The following ZUP1 variants were observed in gnomAD, a reference collection of about 807,000 sequenced individuals.
The protein encoded by ZUP1 is zinc finger containing ubiquitin peptidase 1, also known as zinc finger-containing ubiquitin peptidase 1.
Under a neutral mutation model 68.1 loss-of-function variants are expected in ZUP1, and 55 were observed. The ratio of observed to expected loss-of-function variants is 0.81; its 90% CI spans 0.65 to 1.01. The LOEUF (loss-of-function observed/expected upper bound fraction) is 1.01. Among genes scored for constraint, ZUP1 ranks in the 50% least tolerant of loss-of-function variants. The pLI, the probability that ZUP1 is intolerant of heterozygous loss-of-function variation, is 0.00. For missense variants in ZUP1, 684 were observed against 674.9 expected (o/e 1.01, Z -0.15); for synonymous variants, 223 against 221.5 (o/e 1.01, Z -0.06).
At chr6:116,644,107 A>G (rs1366616147) in intron 9 of ZUP1, among the ~76,000 whole-genome samples, 5 of 152,266 alleles carry the variant, frequency 3.3e-5, no homozygotes, top group Non-Finnish European at 5.9e-5. Flanking sequence ...ATCACTGGCC[A>G]TCAGAGAAAT....
At chr6:116,640,966 T>G (rs1204484038) in intron 9 of ZUP1, among the ~76,000 whole-genome samples, 1 of 148,150 alleles carries the variant, frequency 6.7e-6, no homozygotes, top group South Asian at 2.2e-4. Flanking sequence ...GAGACACACA[T>G]AGGCTCAAAA....
At chr6:116,642,867 T>C (rs1386445330) in intron 9 of ZUP1, among the ~76,000 whole-genome samples, 7 of 152,082 alleles carry the variant, frequency 4.6e-5, no homozygotes, top group Non-Finnish European at 1.0e-4. Context: ...AAATAAAGGG[T>C]ATTCAATTAG....
At chr6:116,654,192 T>G (rs1776596916) in intron 5 of ZUP1, among the ~76,000 whole-genome samples, 1 of 151,924 alleles carries the variant, frequency 6.6e-6, no homozygotes, top group African/African-American at 2.4e-5. Flanking sequence ...TATGCTATAG[T>G]GAGAACTTTT....
chr6:116,664,154 G>A (rs1366155882), intron 2 of ZUP1, among the ~76,000 whole-genome samples: 1 of 152,160 alleles, frequency 6.6e-6, no homozygotes, highest in Admixed American at 6.5e-5. Context: ...CACAAGCCTG[G>A]GCGCGGTGGC....
chr6:116,642,589 A>G (rs1776142081), intron 9 of ZUP1, among the ~76,000 whole-genome samples: 1 of 152,244 alleles, frequency 6.6e-6, no homozygotes, highest in Admixed American at 6.5e-5. Context: ...CAAAAACCAC[A>G]TGATTATCTC....
At chr6:116,647,697 T>G (rs1475051890) in intron 7 of ZUP1, 87 bp from the exon 8 acceptor site, 1 of 1,075,664 alleles carries the variant, frequency 9.3e-7, no homozygotes, top group African/African-American at 1.6e-5. Context: ...AATTCTTAGT[T>G]TAGAACTAAC....
intron 2 of ZUP1, 53 bp from the exon 3 acceptor site, chr6:116,660,899 CT>C (rs1334572433): frequency 9.5e-7 from 1 of 1,056,690 alleles, no homozygotes; most frequent in Non-Finnish European, 1.3e-6. Flanking sequence ...TAATTTTTTT[CT>C]TTGCTTTTTT....
chr6:116,644,901 T>C (rs1342448947), intron 9 of ZUP1, among the ~76,000 whole-genome samples: 1 of 142,396 alleles, frequency 7.0e-6, no homozygotes, highest in East Asian at 2.0e-4. Context: ...GAGGAGGAGG[T>C]GAAAAGAAAA....
intron 7 of ZUP1, among the ~76,000 whole-genome samples, chr6:116,648,761 A>G (rs1301522999): frequency 6.6e-6 from 1 of 152,082 alleles, no homozygotes; most frequent in Non-Finnish European, 1.5e-5. Flanking sequence ...TAGGAGTTCA[A>G]GACCAGCCTG....
At chr6:116,653,700 T>C (rs1296504666) in intron 5 of ZUP1, among the ~76,000 whole-genome samples, 1 of 152,000 alleles carries the variant, frequency 6.6e-6, no homozygotes, top group Non-Finnish European at 1.5e-5. Flanking sequence ...TAAATGTAGA[T>C]TTTAATATCA....
chr6:116,644,695 G>C (rs569494518), intron 9 of ZUP1, among the ~76,000 whole-genome samples: 6 of 151,928 alleles, frequency 3.9e-5, no homozygotes, highest in South Asian at 2.1e-4. Flanking sequence ...GTTGTGGGGT[G>C]GGGGGAGTGG....
intron 4 of ZUP1, among the ~76,000 whole-genome samples, chr6:116,657,192 T>C (rs1161504297): frequency 6.6e-6 from 1 of 152,178 alleles, no homozygotes; most frequent in Non-Finnish European, 1.5e-5. Context: ...TCAAGGAAAC[T>C]TGTCAGTCCT....
In ZUP1 at chr6:116,644,662, G is replaced by C. The variant is rs535704646; in HGVS notation, c.1689+1052C>G. On this transcript the variant is annotated intron_variant, in intron 9 of 9. Transcript: ENST00000368576. The stretch of plus-strand genomic sequence containing the variant: ...AATGAGAACACATGGACACAGGAAG[G>C]GGAACATCACACTCTGGGGACTGTT... Among the ~76,000 whole-genome samples, 945 of 151,768 alleles carry C rather than the reference G, an allele frequency of 6.2e-3. 12 individuals carry two copies. The highest frequency in any genetic ancestry group is 0.022 in the African/African-American group (892 of 41,278).
At chr6:116,651,353 A>G (rs993525328) in intron 7 of ZUP1, among the ~76,000 whole-genome samples, 1 of 152,200 alleles carries the variant, frequency 6.6e-6, no homozygotes, top group Non-Finnish European at 1.5e-5. Flanking sequence ...ATGAAAGCAT[A>G]CCATTTAAAA....
At chr6:116,652,260 T>C in intron 5 of ZUP1, 68 bp from the exon 6 acceptor site, 1 of 1,237,584 alleles carries the variant, frequency 8.1e-7, no homozygotes, top group Non-Finnish European at 1.1e-6. Context: ...ACATTTTTAA[T>C]ATCAACCTCT....
intron 2 of ZUP1, among the ~76,000 whole-genome samples, chr6:116,663,721 G>C (rs552046836): frequency 1.1e-4 from 17 of 151,968 alleles, no homozygotes; most frequent in Non-Finnish European, 1.9e-4. Context: ...AAGGAAGACT[G>C]CTTGAGCACA....
intron 5 of ZUP1, among the ~76,000 whole-genome samples, chr6:116,654,647 T>G (rs576209177): frequency 2.2e-4 from 34 of 152,086 alleles, no homozygotes; most frequent in Non-Finnish European, 4.1e-4. Flanking sequence ...ACCACAGGCC[T>G]GAAAAAGATA....
Position 116,642,673 on chromosome 6 carries a change from C to G in ZUP1, c.1689+3041G>C, listed in dbSNP as rs374132158. ...AAAAACTCTCAATAAATTAGGTATTCATGGGACGTATCTCAAAATAATAAG... is the reference window on the plus strand; with the variant it reads ...AAAAACTCTCAATAAATTAGGTATTGATGGGACGTATCTCAAAATAATAAG... On this transcript the variant is annotated intron_variant, in intron 9 of 9. Transcript: ENST00000368576. 3.4e-4 allele frequency among the ~76,000 whole-genome samples: 52 copies of G among 152,174 alleles called. 1 individual carries two copies. Among genetic ancestry groups the G allele is most frequent in the African/African-American group, 1.1e-3 (44 of 41,522 alleles).
chr6:116,648,853 C>T (rs911116493), intron 7 of ZUP1, among the ~76,000 whole-genome samples: 1 of 151,606 alleles, frequency 6.6e-6, no homozygotes, highest in Non-Finnish European at 1.5e-5. Flanking sequence ...GCCTGTAATC[C>T]CAGCTACTCA....
Sources: allele counts gnomAD v4.1 joint callset (sites outside exome capture counted in the v4.1 genomes callset), GRCh38; gene constraint gnomAD v4.1.1; transcripts MANE v1.5; gene names NCBI Gene and HGNC (gene_info 2026-07-23, HGNC 2026-07-21).